MGMT: variants seen among roughly 807,000 people sequenced by gnomAD.
MGMT encodes the protein methylated-DNA--protein-cysteine methyltransferase.
In MGMT, 14 loss-of-function variants were observed where a neutral mutation model predicts 15.9. The observed-to-expected ratio is 0.88, with a 90% CI of 0.58 to 1.37. The LOEUF is 1.37. Among genes scored for constraint, MGMT ranks in the 40% most tolerant of loss-of-function variants. MGMT has a pLI of 0.00. For synonymous variants in MGMT, 130 were observed against 118.2 expected (o/e 1.10, Z -0.65); for missense variants, 282 against 268.1 (o/e 1.05, Z -0.36).
intron 2 of MGMT, among the ~76,000 whole-genome samples, chr10:129,681,081 G>A (rs562645380): frequency 6.6e-6 from 1 of 152,156 alleles, no homozygotes. Context: ...ACACTGGAGC[G>A]CCGGCTGCTA....
intron 3 of MGMT, among the ~76,000 whole-genome samples, chr10:129,737,961 G>T (rs181343216): frequency 0.011 from 1,720 of 152,332 alleles, 28 homozygotes; most frequent in African/African-American, 0.037. Context: ...CTTCAAAGCT[G>T]TCAGACAGGG....
intron 2 of MGMT, among the ~76,000 whole-genome samples, chr10:129,599,552 A>G (rs541895118): frequency 6.6e-6 from 1 of 152,296 alleles, no homozygotes; most frequent in African/African-American, 2.4e-5. Context: ...CTAATATTCT[A>G]AGATGTGGCT....
At chr10:129,687,560 G>C (rs188172987) in intron 2 of MGMT, among the ~76,000 whole-genome samples, 2 of 152,174 alleles carry the variant, frequency 1.3e-5, no homozygotes, top group African/African-American at 4.8e-5. Flanking sequence ...ATCTGTGGTA[G>C]CTCCACCCCG....
chr10:129,525,139 A>C (rs1187698007), intron 1 of MGMT, among the ~76,000 whole-genome samples: 1 of 152,070 alleles, frequency 6.6e-6, no homozygotes, highest in Non-Finnish European at 1.5e-5. Flanking sequence ...CACACACAGC[A>C]GTTTGTATGT....
At chr10:129,483,479 T>C (rs191988583) in intron 1 of MGMT, among the ~76,000 whole-genome samples, 1 of 152,304 alleles carries the variant, frequency 6.6e-6, no homozygotes, top group East Asian at 1.9e-4. Context: ...CATTTGTTTT[T>C]GTTTTTTGAA....
intron 2 of MGMT, among the ~76,000 whole-genome samples, chr10:129,579,952 G>T (rs373100034): frequency 6.6e-6 from 1 of 152,218 alleles, no homozygotes; most frequent in Non-Finnish European, 1.5e-5. Context: ...GCCTGCCCGT[G>T]AGAGGTGGCA....
chr10:129,636,006 G>A lies in MGMT; in HGVS notation c.126-71889G>A, dbSNP rs922618535. The stretch of plus-strand genomic sequence containing the variant: ...CATATTTTTAGTTTAAAATATGCAT[G>A]CTCTTGGCCAATATGTTTGAACTGA... On this transcript the variant is annotated intron_variant, in intron 2 of 4. Transcript: ENST00000651593. Among the ~76,000 whole-genome samples, 8 of 152,292 alleles carry A rather than the reference G, an allele frequency of 5.3e-5. 1 individual carries two copies. In the East Asian group the frequency reaches 1.5e-3, roughly 29 times the overall value.
chr10:129,589,796 T>G (rs78923636), intron 2 of MGMT, among the ~76,000 whole-genome samples: 4,956 of 152,232 alleles, frequency 0.033, 129 homozygotes, highest in South Asian at 0.065. Context: ...TGCTTCCACC[T>G]CCAGGGCGGG....
At chr10:129,687,175 A>G (rs1272026847) in intron 2 of MGMT, among the ~76,000 whole-genome samples, 2 of 151,858 alleles carry the variant, frequency 1.3e-5, no homozygotes, top group African/African-American at 4.8e-5. Context: ...TTGTTTTTAC[A>G]TTTATTTTTT....
At chr10:129,491,852 T>C (rs935024654) in intron 1 of MGMT, among the ~76,000 whole-genome samples, 1 of 152,182 alleles carries the variant, frequency 6.6e-6, no homozygotes, top group African/African-American at 2.4e-5. Context: ...TGTCTGTCTT[T>C]TCCTCTTATT....
At chr10:129,598,287 G>A (rs568224553) in intron 2 of MGMT, among the ~76,000 whole-genome samples, 27 of 152,282 alleles carry the variant, frequency 1.8e-4, no homozygotes, top group African/African-American at 3.4e-4. Context: ...TGAACCCTGC[G>A]TGGGCCACTT....
intron 2 of MGMT, among the ~76,000 whole-genome samples, chr10:129,629,819 G>A (rs1439639912): frequency 1.3e-5 from 2 of 152,162 alleles, no homozygotes; most frequent in African/African-American, 4.8e-5. Flanking sequence ...GCTGGGTGGA[G>A]GTGTGTTTCC....
At chr10:129,681,951 A>C (rs1847857922) in intron 2 of MGMT, among the ~76,000 whole-genome samples, 1 of 152,220 alleles carries the variant, frequency 6.6e-6, no homozygotes, top group South Asian at 2.1e-4. Context: ...GACTTCATCC[A>C]AGAGGAGATA....
intron 2 of MGMT, among the ~76,000 whole-genome samples, chr10:129,591,796 T>G (rs1846689684): frequency 6.6e-6 from 1 of 152,030 alleles, no homozygotes; most frequent in African/African-American, 2.4e-5. Context: ...CCAGGCATGG[T>G]GGTAGGCACC....
chr10:129,725,135 G>A (rs1848417400), intron 3 of MGMT, among the ~76,000 whole-genome samples: 1 of 152,234 alleles, frequency 6.6e-6, no homozygotes, highest in East Asian at 1.9e-4. Context: ...AGCCAAGCGA[G>A]TGGCCTTGGG....
chr10:129,657,058 G>A (rs773112445), intron 2 of MGMT, among the ~76,000 whole-genome samples: 7 of 152,180 alleles, frequency 4.6e-5, no homozygotes, highest in Non-Finnish European at 1.0e-4. Context: ...ATTAGGCTAG[G>A]GATTTGCAAC....
chr10:129,482,509 C>G (rs1336999800), intron 1 of MGMT, among the ~76,000 whole-genome samples: 3 of 152,078 alleles, frequency 2.0e-5, no homozygotes, highest in Non-Finnish European at 4.4e-5. Flanking sequence ...ATTGACATCT[C>G]CAGCTATGAT....
chr10:129,538,190 T>G (rs551952983), intron 2 of MGMT, among the ~76,000 whole-genome samples: 1 of 152,236 alleles, frequency 6.6e-6, no homozygotes, highest in East Asian at 1.9e-4. Context: ...AGATTTCAAG[T>G]GTACAATTCA....
At chr10:129,583,746 C>T (rs968471737) in intron 2 of MGMT, among the ~76,000 whole-genome samples, 2 of 152,214 alleles carry the variant, frequency 1.3e-5, no homozygotes, top group Non-Finnish European at 2.9e-5. Context: ...ATGTCCTCCT[C>T]GTCTCTGTAG....
Sources: allele counts gnomAD v4.1 joint callset (sites outside exome capture counted in the v4.1 genomes callset), GRCh38; gene constraint gnomAD v4.1.1; transcripts MANE v1.5; gene names NCBI Gene and HGNC (gene_info 2026-07-23, HGNC 2026-07-21).